WDR53: variants seen among roughly 807,000 people sequenced by gnomAD.
WDR53 encodes the protein WD repeat-containing protein 53.
WDR53 carries 19 observed loss-of-function variants against 21.3 expected under a neutral mutation model. The observed-to-expected ratio is 0.89, with a 90% CI of 0.62 to 1.31. WDR53 has a LOEUF of 1.31. Among genes scored for constraint, WDR53 ranks in the 50% most tolerant of loss-of-function variants. The probability of loss-of-function intolerance (pLI) is 0.00; values close to 1 mark genes in which losing one functional copy is unlikely to be tolerated. For missense variants in WDR53, 374 were observed against 423.2 expected (o/e 0.88, Z 1.02); for synonymous variants, 157 against 163.4 (o/e 0.96, Z 0.30).
chr3:196,567,372 G>C (rs1401512786), intron 1 of WDR53, 65 bp from the exon 2 acceptor site: 1 of 378,532 alleles, frequency 2.6e-6, no homozygotes, highest in Non-Finnish European at 5.2e-6. Flanking sequence ...AGAAGGGACA[G>C]GCAAATAATA....
At chr3:196,563,897 G>T (rs754170776) in intron 2 of WDR53, among the ~76,000 whole-genome samples, 2 of 152,068 alleles carry the variant, frequency 1.3e-5, no homozygotes, top group Non-Finnish European at 2.9e-5. Context: ...TCACACATAC[G>T]ATCACTAATT....
At chr3:196,554,878 G>C (rs73076889) in intron 3 of WDR53, 71 bp from the exon 4 acceptor site, 1 of 1,279,352 alleles carries the variant, frequency 7.8e-7, no homozygotes, top group African/African-American at 1.5e-5. Flanking sequence ...TGCTTATTCA[G>C]CTTCTAATAA....
At chr3:196,563,870 C>A (rs973088905) in intron 2 of WDR53, among the ~76,000 whole-genome samples, 20 of 152,302 alleles carry the variant, frequency 1.3e-4, no homozygotes, top group African/African-American at 4.6e-4. Flanking sequence ...CCGCACCCAG[C>A]CTCCCCCTAC....
At chr3:196,563,772 AT>A (rs981510117) in intron 2 of WDR53, among the ~76,000 whole-genome samples, 1 of 152,140 alleles carries the variant, frequency 6.6e-6, no homozygotes, top group Admixed American at 6.5e-5. Context: ...GGGTTTCACC[AT>A]GTTGGCCAGG....
At chr3:196,564,692 A>G (rs1372071530) in intron 2 of WDR53, among the ~76,000 whole-genome samples, 2 of 152,054 alleles carry the variant, frequency 1.3e-5, no homozygotes, top group African/African-American at 2.4e-5. Context: ...AATGTCGATC[A>G]CTTTTTTGCC....
intron 3 of WDR53, among the ~76,000 whole-genome samples, chr3:196,556,447 G>A (rs1340785996): frequency 1.3e-5 from 2 of 152,020 alleles, no homozygotes; most frequent in Non-Finnish European, 2.9e-5. Context: ...ACGATGTCAG[G>A]AGATCGAGAC....
chr3:196,554,384 T>C lies in WDR53; in HGVS notation c.904A>G (p.Thr302Ala), dbSNP rs373597954. 1 of 1,614,218 alleles carries C rather than the reference T, an allele frequency of 6.2e-7. No homozygotes were observed. Among genetic ancestry groups the C allele is most frequent in the Non-Finnish European group, 8.5e-7 (1 of 1,180,050 alleles). The change falls in exon 4 of 4, where the codon ACT (threonine) becomes GCT (alanine). Residue 302 changes from threonine (T) to alanine (A), a missense_variant. Thr to Ala is a moderately conservative substitution (Grantham distance 58, BLOSUM62 0). Transcript: ENST00000332629. Reference sequence around the variant, plus strand: ...TCCTCATCTGTTACTGAAGCGTTAGTATTTCCACCCTGCTTGGTGCAAGTT... The same window carrying C: ...TCCTCATCTGTTACTGAAGCGTTAGCATTTCCACCCTGCTTGGTGCAAGTT... ...RGTCTKQGGN[T>A]NASVTDEEEH...
At position 196,561,088 on chromosome 3, in the gene WDR53, T is replaced by C. The variant is rs1465791559; in HGVS notation, c.388A>G (p.Arg130Gly). Residue 130 changes from arginine to glycine, a missense_variant, in exon 3 of 4, where the codon AGA (arginine) becomes GGA (glycine). Coordinates refer to ENST00000332629, the MANE Select transcript of WDR53 (RefSeq NM_182627.3). Reference sequence around the variant, plus strand: ...ATATTGGAATGTCTCTTCAAGGATCTGATAACTTTCTTGTTTTCCAAGTCT... The same window carrying C: ...ATATTGGAATGTCTCTTCAAGGATCCGATAACTTTCTTGTTTTCCAAGTCT... ...ILDLENKKVI[R>G]SLKRHSNICS... is the part of the protein sequence containing the mutation. The C allele has an allele frequency of 3.1e-6, 5 of 1,614,260 alleles. No individual in the cohort carries two copies. The highest frequency in any genetic ancestry group is 1.1e-5 in the South Asian group (1 of 91,086).
intron 3 of WDR53, among the ~76,000 whole-genome samples, chr3:196,556,921 C>T (rs559104034): frequency 2.0e-4 from 30 of 152,310 alleles, no homozygotes; most frequent in Middle Eastern, 6.8e-3. Context: ...ATCATTTCCA[C>T]GTATTGAGGA....
rs1360139064 is a variant in WDR53 at position 196,561,431 on chromosome 3, G to A, written c.45C>T (p.Cys15=). ...GCAGCCCTTCTTTACTTGCATTCAG[G>A]CAGAGGACAGGAGAAGAATGCCCAC... is the stretch of plus-strand genomic sequence containing the variant. ...WTGGHSSPVL[C]LNASKEGLLA... The change falls in exon 3 of 4, where the codon TGC becomes TGT. Residue 15 remains cysteine, a synonymous_variant. Transcript: ENST00000332629. 2 of 1,613,912 alleles carry A rather than the reference G, an allele frequency of 1.2e-6. No homozygotes were observed. The highest frequency in any genetic ancestry group is 1.7e-6 in the Non-Finnish European group (2 of 1,180,022).
chr3:196,560,992 T>A lies in WDR53; in HGVS notation c.480+4A>T. On this transcript the variant is annotated splice_donor_region_variant and intron_variant, in intron 3 of 3. Transcript: ENST00000332629. ...TCCCCAAGTACTCTGTGCAAAAGCA[T>A]CACCTGCATATCCAGTCCACATGAC... 6.2e-7 allele frequency: 1 copy of A among 1,605,760 alleles called. No individual in the cohort carries two copies. Among genetic ancestry groups the A allele is most frequent in the Non-Finnish European group, 8.5e-7 (1 of 1,175,798 alleles).
At chr3:196,566,111 A>G (rs1735367068) in intron 2 of WDR53, among the ~76,000 whole-genome samples, 1 of 151,566 alleles carries the variant, frequency 6.6e-6, no homozygotes, top group Non-Finnish European at 1.5e-5. Context: ...TTTTTTTGAG[A>G]CAGTATCTCC....
chr3:196,567,830 G>GCGAT (rs1735576133), intron 1 of WDR53, among the ~76,000 whole-genome samples: 1 of 151,298 alleles, frequency 6.6e-6, no homozygotes, highest in South Asian at 2.1e-4. Context: ...GCACAGCAGG[G>GCGAT]CGATTACGGT....
chr3:196,562,380 G>C (rs989941778), intron 2 of WDR53, among the ~76,000 whole-genome samples: 1 of 152,136 alleles, frequency 6.6e-6, no homozygotes, highest in Non-Finnish European at 1.5e-5. Context: ...TCCTGCCTCA[G>C]CCTCCCGAGT....
At chr3:196,566,034 C>T (rs1354006645) in intron 2 of WDR53, among the ~76,000 whole-genome samples, 1 of 152,126 alleles carries the variant, frequency 6.6e-6, no homozygotes, top group Non-Finnish European at 1.5e-5. Context: ...TAATAGATCA[C>T]TTCCTTCTAA....
chr3:196,554,818 G>A lies in WDR53; in HGVS notation c.481-11C>T. On this transcript the variant is annotated splice_polypyrimidine_tract_variant and intron_variant, in intron 3 of 3. Transcript: ENST00000332629. ...ACTCCACAGCATCACCTTTACATAA[G>A]AAGAAATTACACAGTCATACAAAAT... 6.3e-7 allele frequency: 1 copy of A among 1,598,456 alleles called. No individual in the cohort carries two copies. Among genetic ancestry groups the A allele is most frequent in the Non-Finnish European group, 8.5e-7 (1 of 1,170,538 alleles).
intron 1 of WDR53, 78 bp from the exon 2 acceptor site, chr3:196,567,385 C>CAA (rs1464564787): frequency 2.7e-6 from 1 of 372,072 alleles, no homozygotes; most frequent in Non-Finnish European, 5.3e-6. Context: ...AAATAATAAT[C>CAA]AAACACCATG....
At chr3:196,559,414 G>A (rs889432340) in intron 3 of WDR53, among the ~76,000 whole-genome samples, 2 of 152,144 alleles carry the variant, frequency 1.3e-5, no homozygotes, top group African/African-American at 2.4e-5. Context: ...TTATTGTTTG[G>A]AGACTATCCC....
At chr3:196,567,838 G>A (rs1047240104) in intron 1 of WDR53, among the ~76,000 whole-genome samples, 2 of 151,114 alleles carry the variant, frequency 1.3e-5, no homozygotes, top group South Asian at 2.1e-4. Flanking sequence ...GGGCGATTAC[G>A]GTTCACCTCA....
Sources: allele counts gnomAD v4.1 joint callset (sites outside exome capture counted in the v4.1 genomes callset), GRCh38; gene constraint gnomAD v4.1.1; transcripts MANE v1.5; gene names NCBI Gene and HGNC (gene_info 2026-07-23, HGNC 2026-07-21).